The following KIF5B variants were observed in gnomAD, a reference collection of about 807,000 sequenced individuals.
The protein encoded by KIF5B is kinesin-1 heavy chain.
A neutral mutation model predicts 132.8 loss-of-function variants in KIF5B; 49 were observed. The observed-to-expected ratio is 0.37, with a 90% CI of 0.29 to 0.47. The LOEUF (loss-of-function observed/expected upper bound fraction) is 0.47, where lower values mean the gene tolerates loss of function less well. KIF5B is among the 20% of genes least tolerant of loss of function. The probability of loss-of-function intolerance (pLI) is 1.00; values close to 1 mark genes in which losing one functional copy is unlikely to be tolerated. For missense variants in KIF5B, 780 were observed against 1,144.0 expected, an observed-to-expected ratio of 0.68 and a Z score of 4.59; for synonymous variants, 355 against 369.4, an observed-to-expected ratio of 0.96 and a Z score of 0.45.
chr10:32,043,049 G>A (rs1293031090), intron 2 of KIF5B, among the ~76,000 whole-genome samples: 2 of 147,674 alleles, frequency 1.4e-5, no homozygotes, highest in African/African-American at 2.7e-5. Context: ...GTGCAGTGGC[G>A]CAACCTCGGC....
chr10:32,021,413 T>C lies in KIF5B; in HGVS notation c.2033-126A>G, dbSNP rs564509753. On this transcript the variant is annotated intron_variant, in intron 17 of 25. Transcript: ENST00000302418. ...AATATTCAACTTCAAATTACCCAAA[T>C]GTCACCTGCTCTCCAAGTTCAATGA... 74 of 664,536 alleles carry C rather than the reference T, an allele frequency of 1.1e-4. 1 individual carries two copies. In the Admixed American group the frequency reaches 1.9e-3, roughly 17 times the overall value. 41.2% of individuals were successfully genotyped at this position (664,536 alleles called of 1,614,324 possible).
At position 32,031,172 on chromosome 10, in the gene KIF5B, G is replaced by T. The variant is rs754755861; in HGVS notation, c.1482C>A (p.Ala494=). 3 of 1,613,632 alleles carry T rather than the reference G, an allele frequency of 1.9e-6. No individual in the cohort carries two copies. Among genetic ancestry groups the T allele is most frequent in the Non-Finnish European group, 2.5e-6 (3 of 1,179,782 alleles). ...CATAATTGACAGCAAGTTCTTCTAGGGCCTGTAAAACTTCTTTCACTTCTT... is the reference window on the plus strand; with the variant it reads ...CATAATTGACAGCAAGTTCTTCTAGTGCCTGTAAAACTTCTTTCACTTCTT... The part of the protein sequence containing the change: ...SKEEVKEVLQ[A]LEELAVNYDQ... Residue 494 remains alanine, a synonymous_variant, in exon 14 of 26, where the codon GCC becomes GCA. Transcript: ENST00000302418.
At position 32,056,142 on chromosome 10, in the gene KIF5B, G is replaced by C. The variant is rs1841760374; in HGVS notation, c.-169C>G. The C allele has an allele frequency of 4.2e-6, 3 of 713,792 alleles. No homozygotes were observed. The highest frequency in any genetic ancestry group is 3.2e-5 in the Admixed American group (1 of 31,554). 44.2% of individuals were successfully genotyped at this position (713,792 alleles called of 1,614,324 possible). ...GGCGGCCGGGGAGCCGGGACTTGAAGAGCCGGCGCCGGCAGCCGTTAACCC... is the reference window on the plus strand; with the variant it reads ...GGCGGCCGGGGAGCCGGGACTTGAACAGCCGGCGCCGGCAGCCGTTAACCC... On this transcript the variant is annotated 5_prime_UTR_variant, in exon 1 of 26. Transcript: ENST00000302418.
chr10:32,014,548 A>AG (rs1491374774), intron 25 of KIF5B, among the ~76,000 whole-genome samples: 10 of 138,112 alleles, frequency 7.2e-5, no homozygotes, highest in African/African-American at 2.8e-4. Context: ...AAAGCTCCAG[A>AG]AAGAGAGAGA....
At chr10:32,046,850 A>G (rs1479372592) in intron 2 of KIF5B, among the ~76,000 whole-genome samples, 1 of 152,220 alleles carries the variant, frequency 6.6e-6, no homozygotes, top group Non-Finnish European at 1.5e-5. Context: ...TTACTTCCTG[A>G]TAAATGTTCT....
At chr10:32,034,865 A>G (rs1226792750) in intron 10 of KIF5B, 27 bp from the exon 11 acceptor site, 5 of 1,533,704 alleles carry the variant, frequency 3.3e-6, no homozygotes, top group Non-Finnish European at 4.4e-6. Context: ...GAGGAAAAAA[A>G]GGATGAGACT....
chr10:32,031,950 G>T (rs1380578775), intron 13 of KIF5B, among the ~76,000 whole-genome samples: 2 of 148,416 alleles, frequency 1.3e-5, no homozygotes, highest in Admixed American at 1.4e-4. Flanking sequence ...AGTGAGCCAA[G>T]ATCACGCCGC....
chr10:32,012,556 T>C (rs1841098272), intron 25 of KIF5B, among the ~76,000 whole-genome samples: 1 of 152,248 alleles, frequency 6.6e-6, no homozygotes, highest in Non-Finnish European at 1.5e-5. Context: ...CCACTATCTT[T>C]GGACCAGCAT....
rs942230431 is a variant in KIF5B, at chr10:32,009,132, A to T, written c.*2405T>A. 1 of 152,208 alleles carries T rather than the reference A, an allele frequency of 6.6e-6. No individual in the cohort carries two copies. The highest frequency in any genetic ancestry group is 2.4e-5 in the African/African-American group (1 of 41,460). The allele number at this position is 152,208 out of a possible 1,614,324, so 9.4% of individuals were successfully genotyped here. ...TTTGTGAATGTATCTTCAAGCACTG[A>T]AAATAAACCAACATATTCCACAGGT... On this transcript the variant is annotated 3_prime_UTR_variant, in exon 26 of 26. Coordinates refer to ENST00000302418, the MANE Select transcript of KIF5B (RefSeq NM_004521.3).
intron 10 of KIF5B, 32 bp from the exon 11 acceptor site, chr10:32,034,870 G>A (rs780727529): frequency 5.9e-6 from 9 of 1,521,954 alleles, no homozygotes; most frequent in Middle Eastern, 2.4e-4. Context: ...AAAAAAGGAT[G>A]AGACTGAAAT....
intron 11 of KIF5B, 65 bp from the exon 12 acceptor site, chr10:32,034,103 CT>C: frequency 9.5e-7 from 1 of 1,056,290 alleles, no homozygotes; most frequent in Non-Finnish European, 1.3e-6. Flanking sequence ...AATTTCATTC[CT>C]TTAAAAATTT....
At chr10:32,039,954 CTAT>C in intron 3 of KIF5B, among the ~76,000 whole-genome samples, 1 of 152,242 alleles carries the variant, frequency 6.6e-6, no homozygotes, top group East Asian at 1.9e-4. Flanking sequence ...GGGTCCACAT[CTAT>C]TATTAACAGC....
chr10:32,022,283 A>C, intron 16 of KIF5B, 26 bp from the exon 17 acceptor site: 1 of 1,182,384 alleles, frequency 8.5e-7, no homozygotes, highest in Non-Finnish European at 1.3e-6. Flanking sequence ...TACTGATATG[A>C]AGTGGAAAAC....
In KIF5B at chr10:32,018,151, A is replaced by G. The variant is rs1238873494; in HGVS notation, c.2445T>C (p.Ala815=). 1.3e-6 allele frequency: 2 copies of G among 1,591,608 alleles called. No homozygotes were observed. The highest frequency in any genetic ancestry group is 2.3e-5 in the South Asian group (2 of 87,502). ...QDLATRVKKS[A]EIDSDDTGGS... is the part of the protein sequence containing the mutation. ...CTCCGGTGTCATCAGAATCAATCTC[A>G]GCACTCTGAGAAAAGAAGGTAAGTA... is the stretch of plus-strand genomic sequence containing the variant. The change falls in exon 23 of 26, where the codon GCT becomes GCC. Residue 815 remains alanine (A), a synonymous_variant. Coordinates refer to ENST00000302418, the MANE Select transcript of KIF5B (RefSeq NM_004521.3).
rs183383547 is a variant in KIF5B at position 32,050,336 on chromosome 10, G to A, written c.127-1785C>T. Among the ~76,000 whole-genome samples the A allele has an allele frequency of 1.2e-3, 185 of 152,294 alleles. 1 individual carries two copies. The highest frequency in any genetic ancestry group is 5.8e-3 in the South Asian group (28 of 4,826). On this transcript the variant is annotated intron_variant, in intron 1 of 25. Coordinates refer to ENST00000302418, the MANE Select transcript of KIF5B (RefSeq NM_004521.3). ...TGTTAGCCTAGTCTCCCTGCAACTA[G>A]TAGTCACATGACCAAGCTCTGAATA...
At chr10:32,047,084 A>T (rs533612194) in intron 2 of KIF5B, among the ~76,000 whole-genome samples, 3 of 152,236 alleles carry the variant, frequency 2.0e-5, no homozygotes, top group Non-Finnish European at 4.4e-5. Context: ...TTGTACAGGT[A>T]CTAGAAATAT....
intron 13 of KIF5B, 114 bp from the exon 14 acceptor site, chr10:32,031,393 T>C: frequency 1.3e-6 from 1 of 746,830 alleles, no homozygotes; most frequent in Non-Finnish European, 2.2e-6. Flanking sequence ...TGGTATTCAG[T>C]GTGGCAACAT....
intron 14 of KIF5B, 66 bp from the exon 15 acceptor site, chr10:32,028,637 T>A: frequency 7.2e-7 from 1 of 1,387,824 alleles, no homozygotes. Context: ...CAAATACTCA[T>A]CGGTGTTTCA....
At chr10:32,035,863 AG>A in intron 9 of KIF5B, 26 bp downstream of exon 9, 10 of 1,534,902 alleles carry the variant, frequency 6.5e-6, no homozygotes, top group Non-Finnish European at 9.0e-6. Flanking sequence ...ATAAGGTAAC[AG>A]GGAGATAGAA....
Sources: gnomAD v4.1 joint callset for allele counts (sites outside exome capture counted in the v4.1 genomes callset) on GRCh38, gnomAD v4.1.1 for gene constraint, MANE v1.5 for transcripts, NCBI Gene and HGNC (gene_info 2026-07-23, HGNC 2026-07-21) for gene names.